The following CDS1 variants were observed in gnomAD, a reference collection of about 807,000 sequenced individuals.
The protein encoded by CDS1 is CDP-diacylglycerol synthase 1.
Under a neutral mutation model 62.1 loss-of-function variants are expected in CDS1, and 41 were observed. The ratio of observed to expected loss-of-function variants is 0.66; its 90% CI spans 0.51 to 0.86. The LOEUF is 0.86. Among genes scored for constraint, CDS1 ranks in the 40% least tolerant of loss-of-function variants. The pLI, the probability that CDS1 is intolerant of heterozygous loss-of-function variation, is 0.00. For synonymous variants in CDS1, 185 were observed against 192.6 expected (o/e 0.96, Z 0.32); for missense variants, 470 against 550.1 (o/e 0.85, Z 1.46).
At position 84,632,273 on chromosome 4, in the gene CDS1, G is replaced by A. The variant is rs113825876; in HGVS notation, c.639+396G>A. On this transcript the variant is annotated intron_variant, in intron 6 of 12. Transcript: ENST00000295887. ...CACTTGGCGTGCGCATAAAGCAGCA[G>A]AGCATGTATTATCTTGGTGGTTATG... Among the ~76,000 whole-genome samples, 873 of 152,260 alleles carry A rather than the reference G, an allele frequency of 5.7e-3. 9 individuals are homozygous for A. Among genetic ancestry groups the A allele is most frequent in the African/African-American group, 0.02 (819 of 41,540 alleles).
intron 1 of CDS1, among the ~76,000 whole-genome samples, chr4:84,603,368 C>T (rs1722994700): frequency 6.6e-6 from 1 of 152,148 alleles, no homozygotes; most frequent in African/African-American, 2.4e-5. Context: ...AGCCATTCTC[C>T]CAAGGTTTCT....
intron 1 of CDS1, among the ~76,000 whole-genome samples, chr4:84,586,568 G>T (rs1369155351): frequency 6.6e-6 from 1 of 152,126 alleles, no homozygotes; most frequent in African/African-American, 2.4e-5. Flanking sequence ...GTGATGGGGT[G>T]TGGCTGTAAA....
chr4:84,616,590 AT>A (rs1476649059), intron 3 of CDS1, among the ~76,000 whole-genome samples: 4 of 152,220 alleles, frequency 2.6e-5, no homozygotes, highest in Admixed American at 6.5e-5. Flanking sequence ...AAATATAAAA[AT>A]CCATTCTTAG....
At chr4:84,620,856 T>C (rs1723665260) in intron 5 of CDS1, among the ~76,000 whole-genome samples, 1 of 151,966 alleles carries the variant, frequency 6.6e-6, no homozygotes, top group South Asian at 2.1e-4. Context: ...AGTTTGGGAG[T>C]TCGAGACCAG....
chr4:84,598,127 A>C (rs961164263), intron 1 of CDS1, among the ~76,000 whole-genome samples: 4 of 130,938 alleles, frequency 3.1e-5, no homozygotes, highest in African/African-American at 1.4e-4. Flanking sequence ...CTCCATCTCC[A>C]AAAAAAAAAA....
At position 84,583,349 on chromosome 4, in the gene CDS1, G is replaced by C; in HGVS notation, c.-53G>C. 1 of 1,345,298 alleles carries C rather than the reference G, an allele frequency of 7.4e-7. No homozygotes were observed. The highest frequency in any genetic ancestry group is 1.1e-6 in the Non-Finnish European group (1 of 947,606). 83.3% of individuals were successfully genotyped at this position (1,345,298 alleles called of 1,614,324 possible). A position where few individuals can be genotyped will look rare whatever the true frequency, so the allele number is the denominator to read the frequency against. On this transcript the variant is annotated 5_prime_UTR_variant, in exon 1 of 13. Transcript: ENST00000295887. ...CCCCGCCTGCAGAACCCTGCTTGCA[G>C]CTCAGGTTTCGGGGTGCTTGAGGAG...
chr4:84,617,680 A>G lies in CDS1; in HGVS notation c.440+19A>G, dbSNP rs757937249. 3.0e-5 allele frequency: 36 copies of G among 1,188,406 alleles called. No homozygotes were observed. In the East Asian group the frequency reaches 3.9e-4, roughly 13 times the overall value. The allele number at this position is 1,188,406 out of a possible 1,614,324, so 73.6% of individuals were successfully genotyped here. On this transcript the variant is annotated intron_variant, in intron 4 of 12. Coordinates refer to ENST00000295887, the MANE Select transcript of CDS1 (RefSeq NM_001263.4). ...TAAGTTGGTAAGTAAGCTTGAAACT[A>G]TTTCAGATATGAAAAGTTAATTTCT...
intron 1 of CDS1, among the ~76,000 whole-genome samples, chr4:84,591,953 G>A (rs1328519182): frequency 6.6e-6 from 1 of 152,092 alleles, no homozygotes; most frequent in Non-Finnish European, 1.5e-5. Flanking sequence ...GGTGATTTCA[G>A]GCGCCTAGAT....
chr4:84,641,722 C>T (rs1188665430), intron 10 of CDS1, among the ~76,000 whole-genome samples: 2 of 152,106 alleles, frequency 1.3e-5, no homozygotes, highest in Admixed American at 6.5e-5. Context: ...GTTGACATGC[C>T]CTCCAGTGGA....
At position 84,648,814 on chromosome 4, in the gene CDS1, C is replaced by T; in HGVS notation, c.*128C>T. 1 of 835,756 alleles carries T rather than the reference C, an allele frequency of 1.2e-6. No individual in the cohort carries two copies. Among genetic ancestry groups the T allele is most frequent in the Non-Finnish European group, 1.8e-6 (1 of 559,558 alleles). The allele number at this position is 835,756 out of a possible 1,614,324, so 51.8% of individuals were successfully genotyped here. A position where few individuals can be genotyped will look rare whatever the true frequency, so the allele number is the denominator to read the frequency against. On this transcript the variant is annotated 3_prime_UTR_variant, in exon 13 of 13. Transcript: ENST00000295887. ...TGAAGTTTTGGAGATATGTTTCTCT[C>T]TGAAATTACTGTGAATATTTAACAA...
intron 1 of CDS1, among the ~76,000 whole-genome samples, chr4:84,584,651 G>A (rs572327225): frequency 2.0e-5 from 3 of 152,166 alleles, no homozygotes; most frequent in Non-Finnish European, 2.9e-5. Flanking sequence ...AAATTACAAA[G>A]CCCTAATAGG....
At chr4:84,600,193 G>T (rs938505629) in intron 1 of CDS1, among the ~76,000 whole-genome samples, 1 of 152,080 alleles carries the variant, frequency 6.6e-6, no homozygotes, top group African/African-American at 2.4e-5. Context: ...TGAAATGTCT[G>T]TCCAAATATT....
chr4:84,598,898 C>T (rs1722836011), intron 1 of CDS1, among the ~76,000 whole-genome samples: 1 of 152,136 alleles, frequency 6.6e-6, no homozygotes, highest in Non-Finnish European at 1.5e-5. Context: ...GTTCCCTGAG[C>T]CCCTTGTCCT....
chr4:84,626,412 T>C (rs903855999), intron 5 of CDS1, among the ~76,000 whole-genome samples: 2 of 152,178 alleles, frequency 1.3e-5, no homozygotes, highest in East Asian at 3.9e-4. Context: ...TTATAGTACA[T>C]CACACCAGGA....
At chr4:84,589,751 G>A (rs138141531) in intron 1 of CDS1, among the ~76,000 whole-genome samples, 45 of 152,346 alleles carry the variant, frequency 3.0e-4, no homozygotes, top group African/African-American at 1.1e-3. Flanking sequence ...GTATTTCAGA[G>A]GGGGAGAGGC....
In CDS1 at chr4:84,649,973, A is replaced by T. The variant is rs1246491605; in HGVS notation, c.*1287A>T. 1.3e-5 allele frequency: 2 copies of T among 152,206 alleles called. No homozygotes were observed. The highest frequency in any genetic ancestry group is 2.9e-5 in the Non-Finnish European group (2 of 68,042). The allele number at this position is 152,206 out of a possible 1,614,324, so 9.4% of individuals were successfully genotyped here. ...CTGCTGCTGTGTGCTCTCCACAGCC[A>T]TATTTATTGTATTAAACAATCAGCA... is the stretch of plus-strand genomic sequence containing the variant. On this transcript the variant is annotated 3_prime_UTR_variant, in exon 13 of 13. Transcript: ENST00000295887.
At chr4:84,598,421 T>A (rs73831538) in intron 1 of CDS1, among the ~76,000 whole-genome samples, 4,152 of 151,224 alleles carry the variant, frequency 0.027, 188 homozygotes, top group African/African-American at 0.095. Flanking sequence ...TTTTTTTTTT[T>A]AATTTTATTA....
At chr4:84,624,265 C>T (rs1392499810) in intron 5 of CDS1, among the ~76,000 whole-genome samples, 2 of 139,984 alleles carry the variant, frequency 1.4e-5, no homozygotes, top group African/African-American at 5.3e-5. Flanking sequence ...CAGAGCAAGA[C>T]TCTGTCTCAA....
chr4:84,636,613 C>T (rs969993058), intron 8 of CDS1, among the ~76,000 whole-genome samples: 1 of 152,194 alleles, frequency 6.6e-6, no homozygotes, highest in African/African-American at 2.4e-5. Context: ...CAACCTCCGC[C>T]TCCTGGGTTC....
Sources: allele counts gnomAD v4.1 joint callset (sites outside exome capture counted in the v4.1 genomes callset), GRCh38; gene constraint gnomAD v4.1.1; transcripts MANE v1.5; gene names NCBI Gene and HGNC (gene_info 2026-07-23, HGNC 2026-07-21).